TMEM161B: variants seen among roughly 807,000 people sequenced by gnomAD.
TMEM161B encodes the protein transmembrane protein 161B.
A neutral mutation model predicts 61.8 loss-of-function variants in TMEM161B; 34 were observed. That is an observed-to-expected ratio of 0.55 (90% CI 0.42 to 0.73). The LOEUF (loss-of-function observed/expected upper bound fraction) is 0.73. Ranked by LOEUF, TMEM161B falls within the 30% of genes least tolerant of loss-of-function variation. The pLI is 0.00. For synonymous variants in TMEM161B, 167 were observed against 192.8 expected (o/e 0.87, Z 1.11); for missense variants, 456 against 558.5 (o/e 0.82, Z 1.85).
rs184373222 is a variant in TMEM161B, at chr5:88,262,256, G to A, written c.3+6465C>T. Among the ~76,000 whole-genome samples the A allele has an allele frequency of 7.2e-4, 109 of 152,230 alleles. 1 individual carries two copies. Among genetic ancestry groups the A allele is most frequent in the African/African-American group, 2.5e-3 (103 of 41,558 alleles). Reference sequence around the variant, plus strand: ...TAGAATGGCCAAAATCCAGAACACTGACAACACTGAATGCTGGCAAGAATG... The same window carrying A: ...TAGAATGGCCAAAATCCAGAACACTAACAACACTGAATGCTGGCAAGAATG... On this transcript the variant is annotated intron_variant, in intron 1 of 11. Transcript: ENST00000296595.
intron 1 of TMEM161B, among the ~76,000 whole-genome samples, chr5:88,264,904 G>T (rs572960553): frequency 2.2e-4 from 34 of 151,836 alleles, no homozygotes; most frequent in African/African-American, 7.5e-4. Flanking sequence ...GGACACAGAG[G>T]GGGTAACATC....
intron 1 of TMEM161B, among the ~76,000 whole-genome samples, chr5:88,265,756 C>T (rs1038848182): frequency 6.6e-6 from 1 of 152,152 alleles, no homozygotes; most frequent in Non-Finnish European, 1.5e-5. Context: ...AAAAAGAAAA[C>T]TTTTCATCAA....
At chr5:88,253,616 T>C (rs1754622132) in intron 1 of TMEM161B, among the ~76,000 whole-genome samples, 2 of 152,140 alleles carry the variant, frequency 1.3e-5, no homozygotes, top group African/African-American at 4.8e-5. Context: ...CTGCAAGTAC[T>C]TGGAAATAAT....
At chr5:88,210,083 T>A (rs1379050760) in intron 5 of TMEM161B, among the ~76,000 whole-genome samples, 2 of 152,238 alleles carry the variant, frequency 1.3e-5, no homozygotes, top group Non-Finnish European at 1.5e-5. Context: ...TCTGGCTTAA[T>A]CCTGGTTCTA....
chr5:88,198,830 G>T, intron 10 of TMEM161B, 146 bp downstream of exon 10: 1 of 742,598 alleles, frequency 1.3e-6, no homozygotes. Context: ...AGGTCTCTTT[G>T]ATATCTGTCA....
At chr5:88,242,075 C>G (rs920013634) in intron 1 of TMEM161B, among the ~76,000 whole-genome samples, 8 of 151,836 alleles carry the variant, frequency 5.3e-5, no homozygotes, top group African/African-American at 1.9e-4. Context: ...TCCTTCCTAT[C>G]AGCATTGTGT....
At chr5:88,223,265 C>A (rs1749352374) in intron 4 of TMEM161B, among the ~76,000 whole-genome samples, 1 of 150,774 alleles carries the variant, frequency 6.6e-6, no homozygotes, top group Non-Finnish European at 1.5e-5. Flanking sequence ...GGTAAGTTAC[C>A]CACTTCAGAA....
intron 1 of TMEM161B, among the ~76,000 whole-genome samples, chr5:88,263,770 T>C (rs902745221): frequency 1.3e-5 from 2 of 152,316 alleles, no homozygotes; most frequent in Non-Finnish European, 2.9e-5. Context: ...TTTTTTTAAG[T>C]GGATCAAAGC....
chr5:88,226,637 T>C (rs1041071801), intron 3 of TMEM161B, among the ~76,000 whole-genome samples: 3 of 152,158 alleles, frequency 2.0e-5, no homozygotes, highest in Non-Finnish European at 4.4e-5. Flanking sequence ...AAAACAACTT[T>C]GCATTTATCC....
intron 5 of TMEM161B, among the ~76,000 whole-genome samples, chr5:88,214,801 G>T (rs1280659338): frequency 2.0e-5 from 3 of 152,218 alleles, no homozygotes; most frequent in Non-Finnish European, 4.4e-5. Flanking sequence ...AGAAAGAAGA[G>T]TAGAGCTGAG....
intron 4 of TMEM161B, among the ~76,000 whole-genome samples, chr5:88,222,526 A>G (rs1267364048): frequency 2.6e-5 from 4 of 152,158 alleles, no homozygotes; most frequent in African/African-American, 9.7e-5. Context: ...AGGTCAGGGA[A>G]GTGGATGGAA....
intron 1 of TMEM161B, among the ~76,000 whole-genome samples, chr5:88,254,022 G>T (rs1754667418): frequency 6.6e-6 from 1 of 151,720 alleles, no homozygotes; most frequent in African/African-American, 2.4e-5. Context: ...TTTATTATAA[G>T]AGAGAAATGT....
At chr5:88,192,179 C>T (rs2112302336), downstream of TMEM161B, among the ~76,000 whole-genome samples, 1 of 150,148 alleles carries the variant, frequency 6.7e-6, no homozygotes, top group Non-Finnish European at 1.5e-5. Flanking sequence ...AATAAATTGT[C>T]TTTCCCCAAA....
intron 1 of TMEM161B, among the ~76,000 whole-genome samples, chr5:88,258,409 AAGGG>A (rs1755268047): frequency 1.3e-5 from 2 of 152,132 alleles, no homozygotes; most frequent in Non-Finnish European, 2.9e-5. Context: ...CTCACAGAGG[AAGGG>A]AGGAAGGAGT....
intron 2 of TMEM161B, among the ~76,000 whole-genome samples, chr5:88,238,907 A>T (rs1418236891): frequency 6.6e-6 from 1 of 151,982 alleles, no homozygotes; most frequent in African/African-American, 2.4e-5. Flanking sequence ...AAATGAAACT[A>T]CCTATAGCAG....
At chr5:88,238,874 C>G (rs1752286731) in intron 2 of TMEM161B, among the ~76,000 whole-genome samples, 1 of 151,784 alleles carries the variant, frequency 6.6e-6, no homozygotes, top group South Asian at 2.1e-4. Flanking sequence ...ATCTTAAAAA[C>G]AAAACAAAAC....
In TMEM161B at chr5:88,268,772, G is replaced by T; in HGVS notation, c.-49C>A. 6.2e-7 allele frequency: 1 copy of T among 1,613,738 alleles called. No homozygotes were observed. Among genetic ancestry groups the T allele is most frequent in the Non-Finnish European group, 8.5e-7 (1 of 1,179,786 alleles). ...CAGACACCCTGGAGTTGCCGGGGCA[G>T]TCCCAAACCTCTTACCTCCCGGTCC... On this transcript the variant is annotated 5_prime_UTR_variant, in exon 1 of 12. In the 5' UTR this introduces an upstream ATG that the reference lacks. Coordinates refer to ENST00000296595, the MANE Select transcript of TMEM161B (RefSeq NM_153354.5).
intron 6 of TMEM161B, 35 bp downstream of exon 6, chr5:88,206,994 C>A (rs1399449670): frequency 1.9e-6 from 3 of 1,598,912 alleles, no homozygotes; most frequent in Non-Finnish European, 2.6e-6. Context: ...CTAGATAAAG[C>A]AAAATTGATT....
intron 8 of TMEM161B, among the ~76,000 whole-genome samples, chr5:88,205,118 G>A (rs2112404555): frequency 6.6e-6 from 1 of 152,184 alleles, no homozygotes; most frequent in Non-Finnish European, 1.5e-5. Context: ...CTATCTTTCT[G>A]CCAAGATGTC....
Sources: allele counts gnomAD v4.1 joint callset (sites outside exome capture counted in the v4.1 genomes callset), GRCh38; gene constraint gnomAD v4.1.1; transcripts MANE v1.5; gene names NCBI Gene and HGNC (gene_info 2026-07-23, HGNC 2026-07-21).